Variants in DPYD observed in about 807,000 individuals in gnomAD.
DPYD encodes dihydropyrimidine dehydrogenase [NADP(+)].
In DPYD, 109 loss-of-function variants were observed where a neutral mutation model predicts 116.2. The ratio of observed to expected loss-of-function variants is 0.94; its 90% CI spans 0.80 to 1.10. The LOEUF is 1.10. Ranked by LOEUF, DPYD falls within the 50% of genes least tolerant of loss-of-function variation. DPYD has a pLI of 0.00. For synonymous variants in DPYD, 440 were observed against 432.0 expected, an observed-to-expected ratio of 1.02 and a Z score of -0.23; for missense variants, 1,302 against 1,254.5, an observed-to-expected ratio of 1.04 and a Z score of -0.57.
At chr1:97,084,304 A>T (rs368779447) in intron 21 of DPYD, among the ~76,000 whole-genome samples, 99 of 151,442 alleles carry the variant, frequency 6.5e-4, no homozygotes, top group African/African-American at 2.3e-3. Context: ...GATACCTTTC[A>T]TTCCTAACTC....
intron 20 of DPYD, among the ~76,000 whole-genome samples, chr1:97,143,409 C>A (rs1386538929): frequency 6.6e-6 from 1 of 151,988 alleles, no homozygotes; most frequent in African/African-American, 2.4e-5. Flanking sequence ...TGAATTAACC[C>A]ACAAAAATGA....
chr1:97,312,437 C>T (rs1667575786), intron 16 of DPYD, among the ~76,000 whole-genome samples: 1 of 151,752 alleles, frequency 6.6e-6, no homozygotes, highest in Admixed American at 6.6e-5. Flanking sequence ...AATCCACATG[C>T]ATTCAAAATA....
intron 12 of DPYD, chr1:97,546,154 C>A: frequency 7.0e-7 from 1 of 1,423,410 alleles, no homozygotes; most frequent in Non-Finnish European, 9.9e-7. Flanking sequence ...TTCTGTGCTG[C>A]AGAGGAACAG....
intron 14 of DPYD, chr1:97,419,952 A>T (rs1190163109): frequency 6.6e-6 from 1 of 152,204 alleles, no homozygotes; most frequent in East Asian, 1.9e-4. Context: ...CTAGCAGGAA[A>T]TAGAAAGGAC....
At chr1:97,505,928 G>A (rs1315688700) in intron 13 of DPYD, among the ~76,000 whole-genome samples, 1 of 151,978 alleles carries the variant, frequency 6.6e-6, no homozygotes, top group Admixed American at 6.6e-5. Flanking sequence ...TAGCTGAAGT[G>A]AAAGAAGCAG....
intron 8 of DPYD, among the ~76,000 whole-genome samples, chr1:97,651,002 T>C (rs1032092005): frequency 5.9e-5 from 9 of 152,164 alleles, no homozygotes; most frequent in Admixed American, 2.0e-4. Flanking sequence ...CTAGCCACAA[T>C]AGCTGCAGTG....
intron 8 of DPYD, among the ~76,000 whole-genome samples, chr1:97,615,183 C>A (rs1198182583): frequency 6.6e-6 from 1 of 152,150 alleles, no homozygotes; most frequent in Non-Finnish European, 1.5e-5. Flanking sequence ...AGTTGTCCAA[C>A]TGCTTACTGA....
At chr1:97,667,447 T>C (rs1396473154) in intron 8 of DPYD, among the ~76,000 whole-genome samples, 1 of 152,126 alleles carries the variant, frequency 6.6e-6, no homozygotes, top group African/African-American at 2.4e-5. Context: ...CTATATATTA[T>C]CACTGCAAGT....
intron 3 of DPYD, among the ~76,000 whole-genome samples, chr1:97,789,673 T>C (rs1481210946): frequency 2.0e-5 from 3 of 152,212 alleles, no homozygotes; most frequent in African/African-American, 4.8e-5. Flanking sequence ...GACCTCATGC[T>C]GGCCTAAGTT....
At chr1:97,358,699 C>G (rs930005287) in intron 16 of DPYD, among the ~76,000 whole-genome samples, 1 of 152,150 alleles carries the variant, frequency 6.6e-6, no homozygotes, top group Non-Finnish European at 1.5e-5. Flanking sequence ...CAAACTTCAA[C>G]AGACCTGTAG....
rs6693964 is a variant in DPYD, at chr1:97,384,646, G to A, written c.1906-2185C>T. On this transcript the variant is annotated intron_variant, in intron 14 of 22. Transcript: ENST00000370192. ...GATTATATGAGTAAGAGTGAAGAGT[G>A]ATTAGGGCTGATGAAGGTATCTGTC... 7.6e-3 allele frequency among the ~76,000 whole-genome samples: 1,158 copies of A among 152,182 alleles called. 17 individuals are homozygous for A. Among genetic ancestry groups the A allele is most frequent in the African/African-American group, 0.027 (1,106 of 41,550 alleles).
At chr1:97,280,085 C>T (rs1665213138) in intron 18 of DPYD, 1 of 152,192 alleles carries the variant, frequency 6.6e-6, no homozygotes, top group Non-Finnish European at 1.5e-5. Context: ...TCAATCTCCT[C>T]TGCAATAAAG....
intron 13 of DPYD, among the ~76,000 whole-genome samples, chr1:97,483,971 C>T (rs1678471129): frequency 6.6e-6 from 1 of 152,120 alleles, no homozygotes; most frequent in South Asian, 2.1e-4. Context: ...TAAGACATGA[C>T]ATCTGACTGA....
intron 2 of DPYD, among the ~76,000 whole-genome samples, chr1:97,865,081 T>C (rs1464876053): frequency 1.3e-5 from 2 of 151,918 alleles, no homozygotes; most frequent in African/African-American, 2.4e-5. Flanking sequence ...TACTGCCTTG[T>C]ATGTGTCTGC....
intron 16 of DPYD, among the ~76,000 whole-genome samples, chr1:97,343,042 C>G (rs1400633546): frequency 3.3e-5 from 5 of 151,842 alleles, no homozygotes; most frequent in Non-Finnish European, 7.4e-5. Context: ...ATAAACAAAG[C>G]CTTTTAAAAA....
chr1:97,146,364 G>A (rs2101707346), intron 20 of DPYD, among the ~76,000 whole-genome samples: 1 of 152,226 alleles, frequency 6.6e-6, no homozygotes, highest in Admixed American at 6.5e-5. Context: ...GATAATTACA[G>A]GCACAAAAAG....
chr1:97,912,858 G>A (rs997214572), intron 1 of DPYD, among the ~76,000 whole-genome samples: 2 of 152,050 alleles, frequency 1.3e-5, no homozygotes, highest in Non-Finnish European at 2.9e-5. Context: ...ATTTGGCATA[G>A]AGAAATATCT....
chr1:97,336,159 C>T (rs1669273137), intron 16 of DPYD, among the ~76,000 whole-genome samples: 1 of 152,186 alleles, frequency 6.6e-6, no homozygotes, highest in African/African-American at 2.4e-5. Flanking sequence ...ATAATTCAAA[C>T]ACCATGGCAC....
chr1:97,681,595 C>T (rs1327289054), intron 7 of DPYD, among the ~76,000 whole-genome samples: 13 of 151,876 alleles, frequency 8.6e-5, no homozygotes, highest in African/African-American at 2.9e-4. Flanking sequence ...TTATTCAAAG[C>T]ATTTTATAGT....
Sources: allele counts gnomAD v4.1 joint callset (sites outside exome capture counted in the v4.1 genomes callset), GRCh38; gene constraint gnomAD v4.1.1; transcripts MANE v1.5; gene names NCBI Gene and HGNC (gene_info 2026-07-23, HGNC 2026-07-21).